CDCP1: variants seen among roughly 807,000 people sequenced by gnomAD.
The protein encoded by CDCP1 is CUB domain containing protein 1, also known as CUB domain-containing protein 1.
In CDCP1, 29 loss-of-function variants were observed where a neutral mutation model predicts 60.2. That is an observed-to-expected ratio of 0.48 (90% confidence interval 0.36 to 0.66). The LOEUF is 0.66. CDCP1 is among the 30% of genes least tolerant of loss of function. CDCP1 has a pLI of 0.00. For synonymous variants in CDCP1, 387 were observed against 431.1 expected, an observed-to-expected ratio of 0.90 and a Z score of 1.27; for missense variants, 876 against 1,074.3, an observed-to-expected ratio of 0.82 and a Z score of 2.58.
At chr3:45,099,442 C>T (rs1698453903) in intron 4 of CDCP1, among the ~76,000 whole-genome samples, 1 of 151,932 alleles carries the variant, frequency 6.6e-6, no homozygotes, top group Admixed American at 6.6e-5. Flanking sequence ...TCTCTGTGTC[C>T]CTGATATTCT....
chr3:45,115,327 A>C (rs1698765601), intron 2 of CDCP1, among the ~76,000 whole-genome samples: 1 of 152,116 alleles, frequency 6.6e-6, no homozygotes, highest in Admixed American at 6.5e-5. Context: ...TAAAGTTAGA[A>C]TTTTGGAGTT....
At chr3:45,087,373 C>T (rs1376946337) in intron 8 of CDCP1, among the ~76,000 whole-genome samples, 3 of 152,150 alleles carry the variant, frequency 2.0e-5, no homozygotes, top group Non-Finnish European at 2.9e-5. Context: ...GCTGGACTGA[C>T]GATTCTCAGG....
At chr3:45,118,325 GAGACTGACTTAGC>G (rs1214292436) in intron 2 of CDCP1, 74 bp downstream of exon 2, 12 of 1,001,648 alleles carry the variant, frequency 1.2e-5, no homozygotes, top group Non-Finnish European at 1.9e-5. Flanking sequence ...TCTAGCATTA[GAGACTGACTTAGC>G]ATGGGAAAGA....
chr3:45,127,268 C>T (rs1249848213), intron 1 of CDCP1, among the ~76,000 whole-genome samples: 1 of 152,096 alleles, frequency 6.6e-6, no homozygotes, highest in Non-Finnish European at 1.5e-5. Context: ...CGTGGTTGTT[C>T]TTTTGTATTG....
At chr3:45,113,972 T>C (rs1698741718) in intron 2 of CDCP1, among the ~76,000 whole-genome samples, 1 of 152,312 alleles carries the variant, frequency 6.6e-6, no homozygotes, top group Middle Eastern at 3.4e-3. Flanking sequence ...TCTGGCTAGG[T>C]TCTGTACTCT....
chr3:45,094,417 G>A (rs1698360567), intron 5 of CDCP1, among the ~76,000 whole-genome samples: 1 of 151,986 alleles, frequency 6.6e-6, no homozygotes, highest in Non-Finnish European at 1.5e-5. Context: ...AGTAGAGATG[G>A]GGTTTCGCCA....
chr3:45,091,239 A>G lies in CDCP1; in HGVS notation c.1927T>C (p.Cys643Arg), dbSNP rs1373127443. ...HHSFWVNISN[C>R]SPTSGKQLDL... is the part of the protein sequence containing the mutation. ...AGCTGCTTGCCGCTCGTGGGGCTGC[A>G]GTTAGAGATGTTGACCCAGAAGCTG... The change falls in exon 7 of 9, where the codon TGC becomes CGC. Residue 643 changes from cysteine to arginine, a missense_variant. By Grantham distance (180) the Cys-to-Arg change is radical. Transcript: ENST00000296129. The surrounding 1 kb of genome is among the most constrained non-coding windows in gnomAD (Gnocchi z 4.8). 1 of 1,613,444 alleles carries G rather than the reference A, an allele frequency of 6.2e-7. No homozygotes were observed. Among genetic ancestry groups the G allele is most frequent in the Non-Finnish European group, 8.5e-7 (1 of 1,179,954 alleles).
At chr3:45,087,171 C>T (rs369545446) in intron 8 of CDCP1, among the ~76,000 whole-genome samples, 2 of 152,156 alleles carry the variant, frequency 1.3e-5, no homozygotes, top group Admixed American at 6.5e-5. Context: ...CATCATTGTC[C>T]CCAGTACCTC....
chr3:45,088,524 G>A (rs772238256), intron 8 of CDCP1, among the ~76,000 whole-genome samples: 1 of 152,292 alleles, frequency 6.6e-6, no homozygotes, highest in South Asian at 2.1e-4. Context: ...TGAGGGGATG[G>A]AAAGAGAGAC....
intron 2 of CDCP1, among the ~76,000 whole-genome samples, 154 bp from the exon 3 acceptor site, chr3:45,112,599 G>A (rs892572216): frequency 1.3e-5 from 2 of 152,252 alleles, no homozygotes; most frequent in Non-Finnish European, 2.9e-5. Flanking sequence ...ACTGCTGTGA[G>A]TCTTAGTGGC....
intron 1 of CDCP1, among the ~76,000 whole-genome samples, chr3:45,120,796 A>C (rs1698868928): frequency 6.6e-6 from 1 of 152,064 alleles, no homozygotes; most frequent in Non-Finnish European, 1.5e-5. Flanking sequence ...GCTGGTCCTG[A>C]CACCAAAAGT....
chr3:45,112,520 G>T, intron 2 of CDCP1, 75 bp from the exon 3 acceptor site: 1 of 1,553,662 alleles, frequency 6.4e-7, no homozygotes, highest in Non-Finnish European at 8.7e-7. Flanking sequence ...CCACCACTCA[G>T]CCCCCTGTAG....
intron 7 of CDCP1, 133 bp from the exon 8 acceptor site, chr3:45,089,274 C>T: frequency 1.5e-6 from 1 of 675,766 alleles, no homozygotes; most frequent in East Asian, 2.7e-5. Flanking sequence ...CTTGTGTGCA[C>T]ATGGGGCTCC....
intron 4 of CDCP1, among the ~76,000 whole-genome samples, chr3:45,109,862 C>T (rs1412034507): frequency 6.6e-6 from 1 of 152,172 alleles, no homozygotes; most frequent in African/African-American, 2.4e-5. Context: ...TAATTCTCAT[C>T]ATCCTAACTG....
upstream of CDCP1, chr3:45,146,387 C>T: frequency 9.5e-7 from 1 of 1,048,828 alleles, no homozygotes; most frequent in Non-Finnish European, 1.3e-6. Context: ...CTGGCTCACT[C>T]ACCTGCGCGC....
In CDCP1 at chr3:45,146,311, G is replaced by A; in HGVS notation, c.-24C>T. ...ATGACTCCGGGACGCCTCGGCCTCG[G>A]TGGGGAAAACGACGGTGGGGAGCGG... On this transcript the variant is annotated 5_prime_UTR_variant, in exon 1 of 9. Coordinates refer to ENST00000296129, the MANE Select transcript of CDCP1 (RefSeq NM_022842.5). 1 of 1,546,510 alleles carries A rather than the reference G, an allele frequency of 6.5e-7. No individual in the cohort carries two copies. The highest frequency in any genetic ancestry group is 8.7e-7 in the Non-Finnish European group (1 of 1,150,908).
rs766470093 is a variant in CDCP1 at position 45,095,499 on chromosome 3, T to C, written c.1094A>G (p.Lys365Arg). 1 of 1,614,186 alleles carries C rather than the reference T, an allele frequency of 6.2e-7. No individual in the cohort carries two copies. Among genetic ancestry groups the C allele is most frequent in the East Asian group, 2.2e-5 (1 of 44,880 alleles). ...MSLTIEPRPV[K>R]QSRKFVPGCF... ...GCCAGGGACAAACTTGCGGCTCTGT[T>C]TGACGGGCCGTGGCTCGATGGTGAG... The change falls in exon 5 of 9, where the codon AAA becomes AGA. Residue 365 changes from lysine (K) to arginine (R), a missense_variant. By Grantham distance (26) the Lys-to-Arg change is conservative. Transcript: ENST00000296129.
rs750865954 is a variant in CDCP1, at chr3:45,093,642, C to T, written c.1262G>A (p.Arg421Gln). The change falls in exon 6 of 9, where the codon CGG becomes CAG. Residue 421 changes from arginine to glutamine, a missense_variant. By Grantham distance (43) the Arg-to-Gln change is conservative. This residue lies in a region of CDCP1 where 726 missense variants were observed against 935.7 expected (regional missense o/e 0.78). Coordinates refer to ENST00000296129, the MANE Select transcript of CDCP1 (RefSeq NM_022842.5). The part of the protein sequence containing the change: ...VEKTISCTDH[R>Q]YCQRKSYSLQ... ...TGAGTAGGATTTCCTTTGGCAGTACCGGTGGTCTGTGCAGCCTGGAAGAAG... is the reference window on the plus strand; with the variant it reads ...TGAGTAGGATTTCCTTTGGCAGTACTGGTGGTCTGTGCAGCCTGGAAGAAG... The T allele has an allele frequency of 5.0e-6, 8 of 1,612,430 alleles. No individual in the cohort carries two copies. Among genetic ancestry groups the T allele is most frequent in the Non-Finnish European group, 5.1e-6 (6 of 1,178,930 alleles).
intron 2 of CDCP1, 120 bp from the exon 3 acceptor site, chr3:45,112,565 C>G (rs1040364763): frequency 6.4e-6 from 9 of 1,415,192 alleles, no homozygotes; most frequent in Non-Finnish European, 6.7e-6. Flanking sequence ...GTGGCCTTTA[C>G]CAGGCAGGGG....
Sources: allele counts gnomAD v4.1 joint callset (sites outside exome capture counted in the v4.1 genomes callset), GRCh38; gene constraint gnomAD v4.1.1; regional missense constraint gnomAD v4.1.1; non-coding constraint Gnocchi (gnomAD v3.1); transcripts MANE v1.5; gene names NCBI Gene and HGNC (gene_info 2026-07-23, HGNC 2026-07-21).